Variants in DLEU7 observed in about 807,000 individuals in gnomAD.
DLEU7 encodes the protein leukemia-associated protein 7.
In DLEU7, 17 loss-of-function variants were observed where a neutral mutation model predicts 16.0. The ratio of observed to expected loss-of-function variants is 1.06; its 90% CI spans 0.73 to 1.59. The LOEUF (loss-of-function observed/expected upper bound fraction) is 1.59, where lower values mean the gene tolerates loss of function less well. Among genes scored for constraint, DLEU7 ranks in the 40% most tolerant of loss-of-function variants. DLEU7 has a pLI of 0.00. For missense variants in DLEU7, 308 were observed against 314.9 expected (o/e 0.98, Z 0.17); for synonymous variants, 113 against 139.8 (o/e 0.81, Z 1.35).
At chr13:50,732,137 C>T (rs549182174) in intron 1 of DLEU7, among the ~76,000 whole-genome samples, 1 of 152,274 alleles carries the variant, frequency 6.6e-6, no homozygotes, top group East Asian at 1.9e-4. Context: ...TCTTCTCTGC[C>T]ACCCACGTTT....
chr13:50,774,948 G>A (rs9596361), intron 1 of DLEU7, among the ~76,000 whole-genome samples: 1,531 of 151,702 alleles, frequency 0.01, 25 homozygotes, highest in African/African-American at 0.035. Flanking sequence ...TTCTTTTTAC[G>A]ATTTACATAT....
upstream of DLEU7, chr13:50,843,895 T>G (rs1449523517): frequency 6.1e-6 from 3 of 494,412 alleles, no homozygotes; most frequent in African/African-American, 6.2e-5. The surrounding 1 kb of genome is among the most constrained non-coding windows in gnomAD (Gnocchi z 5.7). Flanking sequence ...GGTGTGCACT[T>G]GAAAATCAGC....
At chr13:50,796,167 T>C (rs1048236499) in intron 1 of DLEU7, among the ~76,000 whole-genome samples, 1 of 152,206 alleles carries the variant, frequency 6.6e-6, no homozygotes, top group Non-Finnish European at 1.5e-5. Flanking sequence ...TTTATATTTT[T>C]TCCTATACTT....
At chr13:50,808,490 T>C (rs1876462967) in intron 1 of DLEU7, 1 of 152,214 alleles carries the variant, frequency 6.6e-6, no homozygotes, top group South Asian at 2.1e-4. Flanking sequence ...CGCTGTATAA[T>C]CACTGTGAGA....
chr13:50,795,905 A>AT (rs769591110), intron 1 of DLEU7, among the ~76,000 whole-genome samples: 1 of 152,168 alleles, frequency 6.6e-6, no homozygotes, highest in East Asian at 1.9e-4. Flanking sequence ...TGTTAGGGCA[A>AT]TTGAGTCAGA....
chr13:50,817,584 C>T (rs1234421348), intron 1 of DLEU7, among the ~76,000 whole-genome samples: 1 of 152,070 alleles, frequency 6.6e-6, no homozygotes, highest in Non-Finnish European at 1.5e-5. Flanking sequence ...TTGTACTCCT[C>T]TCAGATAGAT....
At chr13:50,737,531 TTTTTAA>T (rs1874108981) in intron 1 of DLEU7, among the ~76,000 whole-genome samples, 1 of 152,198 alleles carries the variant, frequency 6.6e-6, no homozygotes, top group African/African-American at 2.4e-5. Flanking sequence ...TAATTCAAAC[TTTTTAA>T]TTATTATTAT....
chr13:50,836,373 A>AG (rs75902772), intron 1 of DLEU7, among the ~76,000 whole-genome samples: 84,170 of 151,820 alleles, frequency 0.55, 23,515 homozygotes, highest in African/African-American at 0.63. Flanking sequence ...AGAAAGAGAG[A>AG]AAAAGGAAAG....
chr13:50,762,427 T>C (rs540459251), intron 1 of DLEU7, among the ~76,000 whole-genome samples: 3 of 152,226 alleles, frequency 2.0e-5, no homozygotes, highest in African/African-American at 7.2e-5. Context: ...AGACAGCTCA[T>C]ATCCCTGCTG....
At chr13:50,745,559 C>G (rs1368175487) in intron 1 of DLEU7, among the ~76,000 whole-genome samples, 3 of 151,950 alleles carry the variant, frequency 2.0e-5, no homozygotes, top group Non-Finnish European at 4.4e-5. Flanking sequence ...GTATATTTTA[C>G]AATATAAAAA....
chr13:50,745,696 C>T (rs984566037), intron 1 of DLEU7, among the ~76,000 whole-genome samples: 1 of 152,048 alleles, frequency 6.6e-6, no homozygotes. Context: ...GAAATGAAAC[C>T]GAGTGACAGC....
At chr13:50,818,625 T>C (rs1003416519), downstream of DLEU7, 3 of 152,184 alleles carry the variant, frequency 2.0e-5, no homozygotes, top group Admixed American at 1.3e-4. Flanking sequence ...CTGCAACAGA[T>C]TACGGCAAAC....
chr13:50,832,513 C>T (rs1372911913), intron 1 of DLEU7, among the ~76,000 whole-genome samples: 4 of 152,098 alleles, frequency 2.6e-5, no homozygotes, highest in African/African-American at 9.7e-5. Context: ...TATTTACTAT[C>T]TTCTGCTAGC....
chr13:50,784,353 G>A (rs1227776867), intron 1 of DLEU7, among the ~76,000 whole-genome samples: 1 of 152,160 alleles, frequency 6.6e-6, no homozygotes, highest in East Asian at 1.9e-4. Flanking sequence ...GGCATCTCAT[G>A]TGGAAATCAA....
chr13:50,816,634 G>A (rs2137795923), intron 1 of DLEU7, among the ~76,000 whole-genome samples: 1 of 152,146 alleles, frequency 6.6e-6, no homozygotes, highest in Middle Eastern at 3.4e-3. Flanking sequence ...AAACTCAGAG[G>A]ACTGAATGAG....
chr13:50,843,442 C>A lies in DLEU7; in HGVS notation c.205G>T (p.Gly69Cys). 7.5e-7 allele frequency: 1 copy of A among 1,327,050 alleles called. No individual in the cohort carries two copies. Among genetic ancestry groups the A allele is most frequent in the Middle Eastern group, 2.7e-4 (1 of 3,640 alleles). 82.2% of individuals were successfully genotyped at this position (1,327,050 alleles called of 1,614,324 possible). A position where few individuals can be genotyped will look rare whatever the true frequency, so the allele number is the denominator to read the frequency against. ...CGACTCCTGGTCCCCACGCCCCCGC[C>A]CCGCTCCTCGCGCCCGGGCCCCGGC... is the stretch of plus-strand genomic sequence containing the variant. ...ARPGPGREER[G>C]GGVGTRSRRT... Residue 69 changes from glycine (G) to cysteine (C), a missense_variant, in exon 1 of 2, where the codon GGC (glycine) becomes TGC (cysteine). Physicochemically the swap from Gly to Cys is radical, Grantham distance 159 (BLOSUM62 -3). Coordinates refer to ENST00000504404, the MANE Select transcript of DLEU7 (RefSeq NM_001306135.2). This position sits in a 1 kb window ranked among gnomAD's most constrained non-coding sequence, Gnocchi z 5.7.
intron 1 of DLEU7, among the ~76,000 whole-genome samples, chr13:50,837,152 G>C (rs971636517): frequency 6.6e-6 from 1 of 152,100 alleles, no homozygotes; most frequent in Non-Finnish European, 1.5e-5. Flanking sequence ...TTTTACTTGT[G>C]GTGTACCTAC....
At chr13:50,824,591 G>A (rs577551759) in intron 1 of DLEU7, among the ~76,000 whole-genome samples, 2 of 152,260 alleles carry the variant, frequency 1.3e-5, no homozygotes, top group East Asian at 3.9e-4. Context: ...CTTGGGCTGG[G>A]TTTGGGATGG....
intron 1 of DLEU7, among the ~76,000 whole-genome samples, chr13:50,737,107 C>T (rs1305303652): frequency 1.3e-5 from 2 of 152,046 alleles, no homozygotes; most frequent in Admixed American, 1.3e-4. Context: ...ATAAAGAGAG[C>T]TCACTTCCCT....
Sources: allele counts gnomAD v4.1 joint callset (sites outside exome capture counted in the v4.1 genomes callset), GRCh38; gene constraint gnomAD v4.1.1; non-coding constraint Gnocchi (gnomAD v3.1); transcripts MANE v1.5; gene names NCBI Gene and HGNC (gene_info 2026-07-23, HGNC 2026-07-21).